ADAMTS12: variants seen among roughly 807,000 people sequenced by gnomAD.
ADAMTS12 encodes the protein A disintegrin and metalloproteinase with thrombospondin motifs 12.
ADAMTS12 carries 118 observed loss-of-function variants against 167.8 expected under a neutral mutation model. The ratio of observed to expected loss-of-function variants is 0.70; its 90% CI spans 0.61 to 0.82. The LOEUF (loss-of-function observed/expected upper bound fraction) is 0.82. Ranked by LOEUF, ADAMTS12 falls within the 40% of genes least tolerant of loss-of-function variation. The pLI is 0.00. For synonymous variants in ADAMTS12, 704 were observed against 716.9 expected (o/e 0.98, Z 0.29); for missense variants, 1,916 against 1,998.8 (o/e 0.96, Z 0.79).
At chr5:33,598,900 T>A (rs1413262466) in intron 16 of ADAMTS12, among the ~76,000 whole-genome samples, 1 of 152,112 alleles carries the variant, frequency 6.6e-6, no homozygotes, top group African/African-American at 2.4e-5. Context: ...AGAGGCCAGA[T>A]TAGAAAAGGC....
chr5:33,700,318 C>A (rs1041097921), intron 3 of ADAMTS12, among the ~76,000 whole-genome samples: 1 of 152,164 alleles, frequency 6.6e-6, no homozygotes, highest in Non-Finnish European at 1.5e-5. Context: ...AGGATACATT[C>A]GTACTGTGGA....
chr5:33,599,028 A>G (rs541191815), intron 16 of ADAMTS12, among the ~76,000 whole-genome samples: 1 of 152,302 alleles, frequency 6.6e-6, no homozygotes, highest in South Asian at 2.1e-4. Flanking sequence ...CCCCAGATGA[A>G]CCTAGCCCTT....
In ADAMTS12 at chr5:33,744,039, T is replaced by C. The variant is rs184595143; in HGVS notation, c.634+7365A>G. Among the ~76,000 whole-genome samples the C allele has an allele frequency of 2.6e-5, 4 of 152,304 alleles. No individual in the cohort carries two copies. The East Asian group carries it at 5.8e-4, about 22-fold the overall frequency. On this transcript the variant is annotated intron_variant, in intron 3 of 23. Coordinates refer to ENST00000504830, the MANE Select transcript of ADAMTS12 (RefSeq NM_030955.4). ...AGTATCTAATAAGCTATAAAATGCATCACAGACAGTAAGTTCAATACTTCA... is the reference window on the plus strand; with the variant it reads ...AGTATCTAATAAGCTATAAAATGCACCACAGACAGTAAGTTCAATACTTCA...
At chr5:33,729,420 C>T (rs1300943325) in intron 3 of ADAMTS12, among the ~76,000 whole-genome samples, 2 of 152,178 alleles carry the variant, frequency 1.3e-5, no homozygotes, top group African/African-American at 4.8e-5. Flanking sequence ...ATTGGTTGAG[C>T]TTAAATTGTT....
At chr5:33,760,928 C>T (rs1307382285) in intron 2 of ADAMTS12, among the ~76,000 whole-genome samples, 2 of 146,362 alleles carry the variant, frequency 1.4e-5, no homozygotes, top group Non-Finnish European at 3.0e-5. Flanking sequence ...TGTGCGTATG[C>T]GCTTCTAAGC....
At chr5:33,588,155 T>C (rs1747451111) in intron 18 of ADAMTS12, among the ~76,000 whole-genome samples, 1 of 152,232 alleles carries the variant, frequency 6.6e-6, no homozygotes, top group Non-Finnish European at 1.5e-5. Flanking sequence ...ACATGGTGAA[T>C]AGATGGATAA....
At position 33,561,035 on chromosome 5, in the gene ADAMTS12, A is replaced by G. The variant is rs1431306792; in HGVS notation, c.4117T>C (p.Trp1373Arg). The G allele has an allele frequency of 5.6e-6, 9 of 1,613,942 alleles. No homozygotes were observed. Among genetic ancestry groups the G allele is most frequent in the Non-Finnish European group, 6.8e-6 (8 of 1,179,986 alleles). Reference protein sequence around the residue: ...RPCAGWKVGNWSKCSRNCSGG... With the variant: ...RPCAGWKVGNRSKCSRNCSGG... ...CAAGCCTGATAAGTTACCTTGCTCC[A>G]GTTTCCCACTTTCCAGCCAGCACAG... The change falls in exon 20 of 24, where the codon TGG (tryptophan) becomes CGG (arginine). Residue 1373 changes from tryptophan (W) to arginine (R), a missense_variant. Trp to Arg is a moderately radical substitution (Grantham distance 101). Transcript: ENST00000504830.
At chr5:33,599,226 C>T (rs1486050867) in intron 16 of ADAMTS12, among the ~76,000 whole-genome samples, 1 of 152,276 alleles carries the variant, frequency 6.6e-6, no homozygotes, top group East Asian at 1.9e-4. Flanking sequence ...GGATGTTTTA[C>T]TACACTAATT....
At chr5:33,740,677 G>A (rs13360880) in intron 3 of ADAMTS12, among the ~76,000 whole-genome samples, 4,333 of 152,256 alleles carry the variant, frequency 0.028, 211 homozygotes, top group African/African-American at 0.1. Flanking sequence ...CTCCTACCAG[G>A]GGCATAGAGG....
At chr5:33,620,734 A>G (rs1044252009) in intron 14 of ADAMTS12, among the ~76,000 whole-genome samples, 3 of 152,222 alleles carry the variant, frequency 2.0e-5, no homozygotes, top group Admixed American at 6.5e-5. Flanking sequence ...TAATATCTAC[A>G]TATATTTTAT....
At chr5:33,842,756 C>A (rs559709477) in intron 2 of ADAMTS12, among the ~76,000 whole-genome samples, 4 of 152,144 alleles carry the variant, frequency 2.6e-5, no homozygotes, top group Admixed American at 6.5e-5. Flanking sequence ...GACAGAAGAC[C>A]CCTGGACACC....
Position 33,649,524 on chromosome 5 carries a change from G to C in ADAMTS12, c.1334+30C>G, listed in dbSNP as rs756226417. On this transcript the variant is annotated intron_variant, in intron 8 of 23. Transcript: ENST00000504830. Reference sequence around the variant, plus strand: ...CAGCTTCCAATTTAAAGAGACCCAGGTGAGGGCGTCATGAGACACTGTCAC... The same window carrying C: ...CAGCTTCCAATTTAAAGAGACCCAGCTGAGGGCGTCATGAGACACTGTCAC... The C allele has an allele frequency of 2.5e-6, 4 of 1,609,120 alleles. No homozygotes were observed. The African/African-American group carries it at 4.0e-5, about 16-fold the overall frequency.
At chr5:33,668,377 C>T (rs1236966152) in intron 5 of ADAMTS12, among the ~76,000 whole-genome samples, 2 of 152,134 alleles carry the variant, frequency 1.3e-5, no homozygotes, top group Non-Finnish European at 2.9e-5. Flanking sequence ...ATAAATGGAA[C>T]CATTGTAAGG....
chr5:33,740,804 C>A (rs751379209), intron 3 of ADAMTS12, among the ~76,000 whole-genome samples: 1 of 152,104 alleles, frequency 6.6e-6, no homozygotes. Context: ...GCCAGGGAAC[C>A]AAGGGGCCAG....
chr5:33,873,305 A>G (rs1032864869), intron 2 of ADAMTS12, among the ~76,000 whole-genome samples: 1 of 152,184 alleles, frequency 6.6e-6, no homozygotes, highest in Admixed American at 6.5e-5. Flanking sequence ...TAAAAACTTA[A>G]TACCATTTAC....
In ADAMTS12 at chr5:33,624,318, C is replaced by G; in HGVS notation, c.2056G>C (p.Ala686Pro). ...VGCDYEIDSN[A>P]TEDRCGVCLG... Reference sequence around the variant, plus strand: ...CACACACCGCAGCGATCCTCGGTGGCATTGGAATCGATCTCATAGTCACAG... The same window carrying G: ...CACACACCGCAGCGATCCTCGGTGGGATTGGAATCGATCTCATAGTCACAG... Residue 686 changes from alanine to proline, a missense_variant, in exon 14 of 24, where the codon GCC (alanine) becomes CCC (proline). Transcript: ENST00000504830. 1 of 1,614,072 alleles carries G rather than the reference C, an allele frequency of 6.2e-7. No homozygotes were observed. Among genetic ancestry groups the G allele is most frequent in the Non-Finnish European group, 8.5e-7 (1 of 1,179,966 alleles).
rs767807039 is a variant in ADAMTS12, at chr5:33,751,347, A to C, written c.634+57T>G. The C allele has an allele frequency of 2.5e-6, 4 of 1,611,744 alleles. No homozygotes were observed. In the South Asian group the frequency reaches 4.4e-5, roughly 18 times the overall value. On this transcript the variant is annotated intron_variant, in intron 3 of 23. Transcript: ENST00000504830. The stretch of plus-strand genomic sequence containing the variant: ...TAAGAATAGGTCATGTTTTAATAAA[A>C]CAACCAAAAGAACAAAACAGATTCT...
At chr5:33,828,577 C>T (rs142844191) in intron 2 of ADAMTS12, among the ~76,000 whole-genome samples, 8 of 152,212 alleles carry the variant, frequency 5.3e-5, no homozygotes, top group African/African-American at 1.9e-4. Context: ...AAAATATTAT[C>T]CTACATTTTC....
intron 3 of ADAMTS12, among the ~76,000 whole-genome samples, chr5:33,748,905 C>T (rs990833191): frequency 2.0e-5 from 3 of 152,144 alleles, no homozygotes; most frequent in South Asian, 2.1e-4. Flanking sequence ...AAATTTTAAA[C>T]GTCATGTGTA....
Sources: allele counts gnomAD v4.1 joint callset (sites outside exome capture counted in the v4.1 genomes callset), GRCh38; gene constraint gnomAD v4.1.1; transcripts MANE v1.5; gene names NCBI Gene and HGNC (gene_info 2026-07-23, HGNC 2026-07-21).